PTPRS: variants seen among roughly 807,000 people sequenced by gnomAD.
The protein encoded by PTPRS is receptor-type tyrosine-protein phosphatase S.
PTPRS carries 63 observed loss-of-function variants against 215.3 expected under a neutral mutation model. The observed-to-expected ratio is 0.29, with a 90% CI of 0.24 to 0.36. PTPRS has a LOEUF of 0.36. Among genes scored for constraint, PTPRS ranks in the 10% least tolerant of loss-of-function variants. The probability of loss-of-function intolerance (pLI) is 1.00; values close to 1 mark genes in which losing one functional copy is unlikely to be tolerated. For synonymous variants in PTPRS, 1,404 were observed against 1,191.4 expected (o/e 1.18, Z -3.68); for missense variants, 2,258 against 2,825.8 (o/e 0.80, Z 4.56).
rs768674983 is a variant in PTPRS at position 5,210,743 on chromosome 19, C to T, written c.5297G>A (p.Arg1766His). ...CGTCGAATTGTTCTCCCACAGCATG[C>T]GCCAGAAGTCTTCCGTGGTCTCCGC... ...PLAETTEDFWRMLWENNSTIV... is the reference protein window; with the variant it reads ...PLAETTEDFWHMLWENNSTIV... The change falls in exon 34 of 38, where the codon CGC (arginine) becomes CAC (histidine). Residue 1766 changes from arginine (R) to histidine (H), a missense_variant. By Grantham distance (29) the Arg-to-His change is conservative (BLOSUM62 0). This residue lies in a region of PTPRS where 927 missense variants were observed against 1,125.9 expected (regional missense o/e 0.82). Transcript: ENST00000262963. This position sits in a 1 kb window ranked among gnomAD's most constrained non-coding sequence, Gnocchi z 4.5. 21 of 1,614,154 alleles carry T rather than the reference C, an allele frequency of 1.3e-5. No individual in the cohort carries two copies. Among genetic ancestry groups the T allele is most frequent in the Non-Finnish European group, 1.4e-5 (17 of 1,180,036 alleles).
At chr19:5,275,003 A>T (rs2047236411) in intron 2 of PTPRS, among the ~76,000 whole-genome samples, 1 of 151,836 alleles carries the variant, frequency 6.6e-6, no homozygotes, top group African/African-American at 2.4e-5. Context: ...AGAAAGGGGA[A>T]GTAATATTTA....
At chr19:5,240,578 G>A (rs1599626432) in intron 11 of PTPRS, among the ~76,000 whole-genome samples, 1 of 151,992 alleles carries the variant, frequency 6.6e-6, no homozygotes, top group South Asian at 2.1e-4. Flanking sequence ...GGTGGCTCAC[G>A]CCTGTAATCC....
chr19:5,242,403 G>C (rs1393443615), intron 11 of PTPRS, among the ~76,000 whole-genome samples: 2 of 151,912 alleles, frequency 1.3e-5, no homozygotes, highest in Non-Finnish European at 2.9e-5. Context: ...TTTGAGCAGG[G>C]TCTCGCTCTG....
intron 1 of PTPRS, among the ~76,000 whole-genome samples, chr19:5,299,678 C>T (rs2147079603): frequency 6.6e-6 from 1 of 152,236 alleles, no homozygotes; most frequent in South Asian, 2.1e-4. Context: ...TTGAGACCAA[C>T]CTGGCCAACA....
intron 9 of PTPRS, 140 bp downstream of exon 9, chr19:5,255,968 T>G: frequency 1.6e-6 from 1 of 613,784 alleles, no homozygotes; most frequent in Non-Finnish European, 2.6e-6. Context: ...TTAAAATTGT[T>G]GTTCATTTTT....
chr19:5,210,188 G>A lies in PTPRS; in HGVS notation c.5487+281C>T, dbSNP rs1231786550. Among the ~76,000 whole-genome samples the A allele has an allele frequency of 2.0e-5, 3 of 152,082 alleles. No homozygotes were observed. Among genetic ancestry groups the A allele is most frequent in the Admixed American group, 2.0e-4 (3 of 15,268 alleles). ...AGCCCTTTAACATCATCCTCCACAG[G>A]TGGCTGCTTCCAGAGGAAAGCCCCA... is the stretch of plus-strand genomic sequence containing the variant. On this transcript the variant is annotated intron_variant, in intron 35 of 37. Transcript: ENST00000262963. The surrounding 1 kb of genome is among the most constrained non-coding windows in gnomAD (Gnocchi z 4.5).
chr19:5,312,973 G>C (rs565243890), intron 1 of PTPRS, among the ~76,000 whole-genome samples: 1 of 152,184 alleles, frequency 6.6e-6, no homozygotes, highest in Non-Finnish European at 1.5e-5. Flanking sequence ...GGAGTGCAGA[G>C]GCACGATCTC....
intron 6 of PTPRS, among the ~76,000 whole-genome samples, chr19:5,261,252 G>C (rs2045971366): frequency 6.6e-6 from 1 of 152,080 alleles, no homozygotes; most frequent in South Asian, 2.1e-4. Flanking sequence ...CTGCTTTCAA[G>C]TCCAGACTAG....
intron 6 of PTPRS, among the ~76,000 whole-genome samples, chr19:5,261,424 G>C (rs1376343190): frequency 2.0e-5 from 3 of 152,160 alleles, no homozygotes; most frequent in African/African-American, 7.2e-5. Flanking sequence ...AAGAGGAAAA[G>C]AGGAAAGACC....
intron 1 of PTPRS, among the ~76,000 whole-genome samples, chr19:5,340,352 G>T (rs2050652239): frequency 6.6e-6 from 1 of 151,254 alleles, no homozygotes; most frequent in Non-Finnish European, 1.5e-5. Context: ...AGCTTCCAAT[G>T]CCGCGCTCTG....
rs1568622692 is a variant in PTPRS, at chr19:5,331,127, T to TAAAAAAAAAAA, written c.-95+9536_-95+9537insTTTTTTTTTTT. On this transcript the variant is annotated intron_variant, in intron 1 of 37. Coordinates refer to ENST00000262963, the MANE Select transcript of PTPRS (RefSeq NM_002850.4). ...TCAGCATAAGTCAGGGCTTCTTTTT[T>TAAAAAAAAAAA]TAAAAAAAAAAAAAAAAAAAAAAGA... is the stretch of plus-strand genomic sequence containing the variant. Among the ~76,000 whole-genome samples, 219 of 80,612 alleles carry TAAAAAAAAAAA rather than the reference T, an allele frequency of 2.7e-3. 2 individuals carry two copies. Among genetic ancestry groups the TAAAAAAAAAAA allele is most frequent in the African/African-American group, 9.9e-3 (208 of 21,066 alleles). 52.9% of individuals were successfully genotyped at this position (80,612 alleles called of 152,430 possible).
At chr19:5,253,697 C>T (rs906995446) in intron 9 of PTPRS, among the ~76,000 whole-genome samples, 1 of 152,192 alleles carries the variant, frequency 6.6e-6, no homozygotes, top group Non-Finnish European at 1.5e-5. Flanking sequence ...GAATTAGCTT[C>T]TGCCCTACAA....
At chr19:5,278,183 CA>C (rs397951131) in intron 2 of PTPRS, 1,920 of 126,690 alleles carry the variant, frequency 0.015, 3 homozygotes, top group South Asian at 0.042. Flanking sequence ...TAGAAACTGC[CA>C]AAAAAAAAAA....
At chr19:5,320,987 G>T (rs1037131572) in intron 1 of PTPRS, among the ~76,000 whole-genome samples, 1 of 152,144 alleles carries the variant, frequency 6.6e-6, no homozygotes, top group Non-Finnish European at 1.5e-5. Flanking sequence ...ACAAGGGCCC[G>T]GTGCTGGCTC....
rs888709760 is a variant in PTPRS at position 5,279,696 on chromosome 19, T to G, written c.92-5352A>C. ...GAAGTTATCTATTTTTATTTTTATT[T>G]TTTTGAGACAGAGTCTCACTGTGTC... On this transcript the variant is annotated intron_variant, in intron 2 of 37. Coordinates refer to ENST00000262963, the MANE Select transcript of PTPRS (RefSeq NM_002850.4). Among the ~76,000 whole-genome samples the G allele has an allele frequency of 3.3e-5, 5 of 151,890 alleles. No homozygotes were observed. The East Asian group carries it at 9.7e-4, about 29-fold the overall frequency.
intron 2 of PTPRS, among the ~76,000 whole-genome samples, chr19:5,275,867 G>C (rs2047319455): frequency 6.7e-6 from 1 of 149,288 alleles, no homozygotes. Context: ...AGGCTGGTCT[G>C]GAACTCCTGG....
intron 10 of PTPRS, among the ~76,000 whole-genome samples, chr19:5,245,129 G>A (rs551717944): frequency 4.2e-4 from 63 of 148,666 alleles, no homozygotes; most frequent in Non-Finnish European, 5.9e-4. Flanking sequence ...ACAGATGTGC[G>A]CCACCACGCC....
chr19:5,288,205 G>C (rs2048525901), intron 1 of PTPRS, among the ~76,000 whole-genome samples: 1 of 152,138 alleles, frequency 6.6e-6, no homozygotes, highest in Non-Finnish European at 1.5e-5. Context: ...GCACAAGCCG[G>C]TCAAAGTCAC....
rs574151313 is a variant in PTPRS at position 5,239,181 on chromosome 19, G to C, written c.1705-118C>G. ...GGGGAGGGGGAGAGAGAGAGAGAGA[G>C]AGAGAGACAGAGAAATAGAGACAGG... On this transcript the variant is annotated intron_variant, in intron 12 of 37. Coordinates refer to ENST00000262963, the MANE Select transcript of PTPRS (RefSeq NM_002850.4). 5.4e-5 allele frequency: 38 copies of C among 705,696 alleles called. 3 individuals carry two copies. Among genetic ancestry groups the C allele is most frequent in the South Asian group, 1.7e-4 (10 of 59,284 alleles). 43.7% of individuals were successfully genotyped at this position (705,696 alleles called of 1,614,324 possible).
Sources: allele counts gnomAD v4.1 joint callset (sites outside exome capture counted in the v4.1 genomes callset), GRCh38; gene constraint gnomAD v4.1.1; regional missense constraint gnomAD v4.1.1; non-coding constraint Gnocchi (gnomAD v3.1); transcripts MANE v1.5; gene names NCBI Gene and HGNC (gene_info 2026-07-23, HGNC 2026-07-21).